Variants in SPPL3 observed in about 807,000 individuals in gnomAD.
SPPL3 encodes signal peptide peptidase-like 3.
SPPL3 carries 5 observed loss-of-function variants against 42.4 expected under a neutral mutation model. That is an observed-to-expected ratio of 0.12 (90% CI 0.06 to 0.25). The LOEUF is 0.25. Ranked by LOEUF, SPPL3 falls within the 10% of genes least tolerant of loss-of-function variation. SPPL3 has a pLI of 1.00. For missense variants in SPPL3, 235 were observed against 489.0 expected, an observed-to-expected ratio of 0.48 and a Z score of 4.90; for synonymous variants, 195 against 181.8, an observed-to-expected ratio of 1.07 and a Z score of -0.58.
chr12:120,820,305 A>ATTTTTTTTTTTTTT (rs754034719), intron 1 of SPPL3, among the ~76,000 whole-genome samples: 3 of 139,034 alleles, frequency 2.2e-5, no homozygotes, highest in Non-Finnish European at 3.1e-5. Context: ...TCTTTCTCTA[A>ATTTTTTTTTTTTTT]ATTTTTTTTT....
At position 120,903,959 on chromosome 12, in the gene SPPL3, C is replaced by T. The variant is rs7966446; in HGVS notation, c.-92G>A. 430,378 of 1,145,296 alleles carry T rather than the reference C, an allele frequency of 0.38. 84,148 individuals carry two copies. The highest frequency in any genetic ancestry group is 0.46 in the Middle Eastern group (1,394 of 3,032). 70.9% of individuals were successfully genotyped at this position (1,145,296 alleles called of 1,614,324 possible). On this transcript the variant is annotated 5_prime_UTR_variant, in exon 1 of 11. Transcript: ENST00000353487. ...CCGTAGCTGAAGGCGCGGCCGGGGT[C>T]CGGTGCTTGCTTGCTTGCTCGCTCG...
chr12:120,789,474 T>C (rs1353086671), intron 3 of SPPL3, among the ~76,000 whole-genome samples: 1 of 85,108 alleles, frequency 1.2e-5, no homozygotes, highest in Non-Finnish European at 2.5e-5. Flanking sequence ...AAAAAAAGCA[T>C]TTAAAAAAGA....
chr12:120,805,023 G>A (rs1274877681), intron 2 of SPPL3, among the ~76,000 whole-genome samples: 2 of 152,120 alleles, frequency 1.3e-5, no homozygotes, highest in South Asian at 2.1e-4. Flanking sequence ...TCCAGAATAG[G>A]CAAATCTATA....
chr12:120,847,105 C>T (rs771672836), intron 1 of SPPL3, among the ~76,000 whole-genome samples: 1 of 151,898 alleles, frequency 6.6e-6, no homozygotes, highest in African/African-American at 2.4e-5. Flanking sequence ...AATACCTGCA[C>T]CAATAGCCTC....
intron 1 of SPPL3, among the ~76,000 whole-genome samples, chr12:120,857,050 G>A (rs1872483897): frequency 6.6e-6 from 1 of 152,150 alleles, no homozygotes; most frequent in Non-Finnish European, 1.5e-5. Context: ...ACTGGGAACA[G>A]AATCCAGCAG....
At chr12:120,771,805 G>C (rs1483558031) in intron 6 of SPPL3, among the ~76,000 whole-genome samples, 3 of 152,154 alleles carry the variant, frequency 2.0e-5, no homozygotes, top group Admixed American at 1.3e-4. Flanking sequence ...ACTCTCCACT[G>C]TACAGCCCAA....
At chr12:120,811,130 T>G (rs983710290) in intron 1 of SPPL3, 1 of 344,834 alleles carries the variant, frequency 2.9e-6, no homozygotes, top group African/African-American at 2.1e-5. Flanking sequence ...ATGACATCAA[T>G]GTAAAAATCC....
chr12:120,763,800 C>T lies in SPPL3; in HGVS notation c.*1199G>A, dbSNP rs1665505507. On this transcript the variant is annotated 3_prime_UTR_variant, in exon 11 of 11. Coordinates refer to ENST00000353487, the MANE Select transcript of SPPL3 (RefSeq NM_139015.5). ...CAACAGCAAGGACAGGATTGTGTTG[C>T]TTTTTTCCTTTTTTTTTTTCTTAAA... 2 of 70,106 alleles carry T rather than the reference C, an allele frequency of 2.9e-5. No individual in the cohort carries two copies. Among genetic ancestry groups the T allele is most frequent in the South Asian group, 8.7e-4 (1 of 1,146 alleles). 4.3% of individuals were successfully genotyped at this position (70,106 alleles called of 1,614,324 possible). A position where few individuals can be genotyped will look rare whatever the true frequency, so the allele number is the denominator to read the frequency against.
chr12:120,840,277 CAAAAA>C (rs533134400), intron 1 of SPPL3, among the ~76,000 whole-genome samples: 6 of 44,180 alleles, frequency 1.4e-4, no homozygotes, highest in Non-Finnish European at 2.0e-4. Flanking sequence ...GACTCTGTCT[CAAAAA>C]AAAAAAAAAA....
intron 1 of SPPL3, among the ~76,000 whole-genome samples, chr12:120,890,677 C>T (rs1480120429): frequency 6.7e-6 from 1 of 150,066 alleles, no homozygotes; most frequent in Admixed American, 6.6e-5. Context: ...AACACATGAA[C>T]ATTATTCATG....
intron 1 of SPPL3, among the ~76,000 whole-genome samples, chr12:120,888,475 G>C: frequency 6.6e-6 from 1 of 152,134 alleles, no homozygotes; most frequent in East Asian, 1.9e-4. Context: ...AAATTATTTG[G>C]CAATAAAGAG....
chr12:120,870,248 C>A (rs1232494692), intron 1 of SPPL3, among the ~76,000 whole-genome samples: 2 of 152,060 alleles, frequency 1.3e-5, no homozygotes, highest in African/African-American at 4.8e-5. Context: ...GAGTTTGAGA[C>A]CAGCCTGACC....
intron 2 of SPPL3, among the ~76,000 whole-genome samples, chr12:120,806,159 C>G (rs1389957934): frequency 6.6e-6 from 1 of 151,426 alleles, no homozygotes; most frequent in African/African-American, 2.4e-5. Context: ...AAGAGACATA[C>G]AGACCAGACC....
chr12:120,770,571 G>A lies in SPPL3; in HGVS notation c.503-1512C>T, dbSNP rs1420990944. Among the ~76,000 whole-genome samples the A allele has an allele frequency of 7.2e-5, 11 of 152,156 alleles. 1 individual carries two copies. Among genetic ancestry groups the A allele is most frequent in the Admixed American group, 5.2e-4 (8 of 15,280 alleles). ...TAATCGACCTGTCCTCCTCTTACCCGACCTTTAGGCAGCAACCCGCCCAGC... is the reference window on the plus strand; with the variant it reads ...TAATCGACCTGTCCTCCTCTTACCCAACCTTTAGGCAGCAACCCGCCCAGC... On this transcript the variant is annotated intron_variant, in intron 6 of 10. Coordinates refer to ENST00000353487, the MANE Select transcript of SPPL3 (RefSeq NM_139015.5).
At chr12:120,780,612 G>A (rs1869495318) in intron 6 of SPPL3, among the ~76,000 whole-genome samples, 3 of 150,482 alleles carry the variant, frequency 2.0e-5, no homozygotes, top group South Asian at 4.2e-4. Context: ...AAAAAGCTGG[G>A]CGTGGTGGCT....
chr12:120,898,078 G>T (rs1316619427), intron 1 of SPPL3, among the ~76,000 whole-genome samples: 1 of 151,990 alleles, frequency 6.6e-6, no homozygotes, highest in African/African-American at 2.4e-5. Context: ...TTGGGAGGCC[G>T]AGGTGGGTGG....
Position 120,820,665 on chromosome 12 carries a change from C to A in SPPL3, c.24-9779G>T, listed in dbSNP as rs191157857. 3.3e-5 allele frequency among the ~76,000 whole-genome samples: 5 copies of A among 152,154 alleles called. No homozygotes were observed. In the East Asian group the frequency reaches 9.7e-4, roughly 29 times the overall value. On this transcript the variant is annotated intron_variant, in intron 1 of 10. Coordinates refer to ENST00000353487, the MANE Select transcript of SPPL3 (RefSeq NM_139015.5). ...TATAATGTTGGAGATCATTGTTTTC[C>A]ACATTTCCCCATATTTTAAAGGAAA...
At chr12:120,806,323 G>A (rs982913877) in intron 2 of SPPL3, among the ~76,000 whole-genome samples, 3 of 151,308 alleles carry the variant, frequency 2.0e-5, no homozygotes, top group African/African-American at 4.9e-5. Flanking sequence ...CTTAGCTCGC[G>A]AGTCGCTGGG....
chr12:120,854,025 C>CACACAG (rs1555252757), intron 1 of SPPL3, among the ~76,000 whole-genome samples: 1 of 139,572 alleles, frequency 7.2e-6, no homozygotes, highest in Non-Finnish European at 1.6e-5. Context: ...CACACACACA[C>CACACAG]GGGGAAAAAA....
Sources: allele counts gnomAD v4.1 joint callset (sites outside exome capture counted in the v4.1 genomes callset), GRCh38; gene constraint gnomAD v4.1.1; transcripts MANE v1.5; gene names NCBI Gene and HGNC (gene_info 2026-07-23, HGNC 2026-07-21).